Variants in IQSEC1 observed in about 807,000 individuals in gnomAD.
IQSEC1 encodes IQ motif and Sec7 domain ArfGEF 1.
IQSEC1 carries 31 observed loss-of-function variants against 91.0 expected under a neutral mutation model. The ratio of observed to expected loss-of-function variants is 0.34; its 90% CI spans 0.26 to 0.46. IQSEC1 has a LOEUF of 0.46. IQSEC1 is among the 20% of genes least tolerant of loss of function. IQSEC1 has a pLI of 1.00. For synonymous variants in IQSEC1, 699 were observed against 662.6 expected (o/e 1.05, Z -0.84); for missense variants, 1,388 against 1,575.6 (o/e 0.88, Z 2.02).
intron 1 of IQSEC1, among the ~76,000 whole-genome samples, chr3:12,996,293 T>A (rs1046366165): frequency 6.6e-6 from 1 of 152,150 alleles, no homozygotes; most frequent in African/African-American, 2.4e-5. Flanking sequence ...ACCTGGCTGG[T>A]TGGAAGGCAG....
chr3:13,076,993 T>TA (rs202115675), upstream of IQSEC1, among the ~76,000 whole-genome samples: 2 of 148,960 alleles, frequency 1.3e-5, no homozygotes, highest in Non-Finnish European at 3.0e-5. Flanking sequence ...ACATAGACCC[T>TA]AAAAAAAATG....
chr3:12,969,435 A>G (rs1700786868), intron 1 of IQSEC1, among the ~76,000 whole-genome samples: 3 of 152,332 alleles, frequency 2.0e-5, no homozygotes, highest in South Asian at 4.1e-4. Context: ...GTACCTATAC[A>G]TAGAGGGTTC....
intron 1 of IQSEC1, among the ~76,000 whole-genome samples, chr3:13,239,504 C>T (rs952493265): frequency 1.3e-5 from 2 of 152,242 alleles, no homozygotes; most frequent in African/African-American, 4.8e-5. Context: ...TCCTCCTGGC[C>T]GTGAGGCCCT....
intron 2 of IQSEC1, among the ~76,000 whole-genome samples, chr3:13,081,999 G>A (rs903384190): frequency 6.6e-6 from 1 of 152,196 alleles, no homozygotes; most frequent in African/African-American, 2.4e-5. Context: ...CAGGGCCACC[G>A]GGCAGCACGA....
intron 2 of IQSEC1, among the ~76,000 whole-genome samples, chr3:13,082,912 C>A (rs1437747186): frequency 1.3e-5 from 2 of 152,240 alleles, no homozygotes; most frequent in Non-Finnish European, 2.9e-5. Flanking sequence ...ACGACTGCCA[C>A]CCTCATTGGG....
intron 1 of IQSEC1, among the ~76,000 whole-genome samples, chr3:13,279,184 G>C (rs1341011172): frequency 6.6e-6 from 1 of 152,208 alleles, no homozygotes; most frequent in Non-Finnish European, 1.5e-5. Context: ...GCAATGGCCT[G>C]AATCAATCCC....
chr3:12,915,158 A>G, intron 7 of IQSEC1, 25 bp from the exon 8 acceptor site: 1 of 1,605,134 alleles, frequency 6.2e-7, no homozygotes, highest in South Asian at 1.1e-5. Context: ...GAAACCAACA[A>G]AAGGGTGTTC....
In IQSEC1 at chr3:12,900,862, G is replaced by C; in HGVS notation, c.*121C>G. ...CCTGGGGCTCCGGTTGGGCCGTGAG[G>C]GGCAGAGGGGAGAGATGGCAACAGA... is the stretch of plus-strand genomic sequence containing the variant. On this transcript the variant is annotated 3_prime_UTR_variant, in exon 14 of 14. Transcript: ENST00000613206. 1 of 1,531,824 alleles carries C rather than the reference G, an allele frequency of 6.5e-7. No homozygotes were observed. Among genetic ancestry groups the C allele is most frequent in the Non-Finnish European group, 8.7e-7 (1 of 1,144,820 alleles). The allele number at this position is 1,531,824 out of a possible 1,614,324, so 94.9% of individuals were successfully genotyped here.
At chr3:12,976,150 A>G (rs1026094320) in intron 1 of IQSEC1, among the ~76,000 whole-genome samples, 11 of 151,900 alleles carry the variant, frequency 7.2e-5, no homozygotes, top group African/African-American at 2.7e-4. Context: ...TGCTCCCTGA[A>G]CCCCACTCCC....
intron 2 of IQSEC1, among the ~76,000 whole-genome samples, chr3:13,095,573 C>T (rs1351334223): frequency 1.3e-5 from 2 of 152,116 alleles, no homozygotes; most frequent in African/African-American, 4.8e-5. Flanking sequence ...ACTCCCCCCT[C>T]CTTTCCCAGC....
intron 1 of IQSEC1, among the ~76,000 whole-genome samples, chr3:13,213,622 T>C (rs529205616): frequency 6.6e-6 from 1 of 152,272 alleles, no homozygotes; most frequent in South Asian, 2.1e-4. Context: ...ATGTTTTTAG[T>C]CATGAAAGAT....
At chr3:13,140,284 C>A (rs1205053661) in intron 2 of IQSEC1, among the ~76,000 whole-genome samples, 2 of 152,204 alleles carry the variant, frequency 1.3e-5, no homozygotes, top group African/African-American at 2.4e-5. Flanking sequence ...GAGAACAGGG[C>A]TCATGGCAGA....
At chr3:13,115,351 A>T (rs1706317309) in intron 2 of IQSEC1, among the ~76,000 whole-genome samples, 1 of 151,998 alleles carries the variant, frequency 6.6e-6, no homozygotes, top group South Asian at 2.1e-4. Flanking sequence ...TTTCAGGATG[A>T]GGGCCTGGCC....
intron 1 of IQSEC1, among the ~76,000 whole-genome samples, chr3:13,252,871 C>T (rs1392601872): frequency 1.3e-5 from 2 of 152,040 alleles, no homozygotes; most frequent in African/African-American, 4.8e-5. Context: ...TAGCTGGGAC[C>T]ACAGGCACCC....
At chr3:12,905,701 G>A (rs1440337191) in intron 12 of IQSEC1, among the ~76,000 whole-genome samples, 4 of 152,242 alleles carry the variant, frequency 2.6e-5, no homozygotes, top group Non-Finnish European at 5.9e-5. Flanking sequence ...TGGCAGGGGC[G>A]CTTCTCTGTC....
Position 12,990,881 on chromosome 3 carries a change from T to C in IQSEC1, c.24-49016A>G, listed in dbSNP as rs547496626. On this transcript the variant is annotated intron_variant, in intron 1 of 13. Transcript: ENST00000613206. ...AATGGGAAATACATGTGAAAGCCCCTGTGATCAGGTCTGGCATGGAGTAGA... is the reference window on the plus strand; with the variant it reads ...AATGGGAAATACATGTGAAAGCCCCCGTGATCAGGTCTGGCATGGAGTAGA... Among the ~76,000 whole-genome samples the C allele has an allele frequency of 2.0e-4, 31 of 152,358 alleles. No individual in the cohort carries two copies. In the South Asian group the frequency reaches 2.5e-3, roughly 12 times the overall value.
At chr3:13,189,358 C>T (rs1693982901) in intron 1 of IQSEC1, among the ~76,000 whole-genome samples, 1 of 152,124 alleles carries the variant, frequency 6.6e-6, no homozygotes, top group Admixed American at 6.5e-5. Flanking sequence ...CCCCATTCAT[C>T]CCCAGCTGAC....
At chr3:13,049,936 G>A (rs1576215239) in intron 1 of IQSEC1, among the ~76,000 whole-genome samples, 2 of 152,204 alleles carry the variant, frequency 1.3e-5, no homozygotes, top group Admixed American at 1.3e-4. Flanking sequence ...TGTGAAGACG[G>A]GAAACTGTCA....
intron 2 of IQSEC1, among the ~76,000 whole-genome samples, chr3:13,100,832 G>A (rs1199836514): frequency 1.3e-5 from 2 of 148,832 alleles, no homozygotes; most frequent in African/African-American, 2.5e-5. Flanking sequence ...CGGGGGGACC[G>A]ACAGGAAACC....
Sources: gnomAD v4.1 joint callset for allele counts (sites outside exome capture counted in the v4.1 genomes callset) on GRCh38, gnomAD v4.1.1 for gene constraint, MANE v1.5 for transcripts, NCBI Gene and HGNC (gene_info 2026-07-23, HGNC 2026-07-21) for gene names.